PAX7: variants seen among roughly 807,000 people sequenced by gnomAD.
PAX7 encodes the protein paired box protein Pax-7.
In PAX7, 18 loss-of-function variants were observed where a neutral mutation model predicts 50.7. That is an observed-to-expected ratio of 0.36 (90% CI 0.25 to 0.53). PAX7 has a LOEUF of 0.53. Among genes scored for constraint, PAX7 ranks in the 20% least tolerant of loss-of-function variants. The pLI is 0.93. For synonymous variants in PAX7, 310 were observed against 290.4 expected (o/e 1.07, Z -0.69); for missense variants, 644 against 702.9 (o/e 0.92, Z 0.95).
At chr1:18,657,456 T>C (rs1053132994) in intron 4 of PAX7, among the ~76,000 whole-genome samples, 1 of 151,796 alleles carries the variant, frequency 6.6e-6, no homozygotes, top group Non-Finnish European at 1.5e-5. Context: ...AGAGACCAAA[T>C]GACCCCAGAT....
In PAX7 at chr1:18,726,481, G is replaced by A. The variant is rs536790555; in HGVS notation, c.1156-9151G>A. On this transcript the variant is annotated intron_variant, in intron 7 of 8. Transcript: ENST00000420770. The surrounding 1 kb of genome is among the most constrained non-coding windows in gnomAD (Gnocchi z 4.8). The stretch of plus-strand genomic sequence containing the variant: ...TCTGTGTCCCAGGCACTGGGAATAA[G>A]ACGCCAAGTCTGTCCCCAGGCAGCT... 2.2e-4 allele frequency among the ~76,000 whole-genome samples: 34 copies of A among 152,306 alleles called. No individual in the cohort carries two copies. Among genetic ancestry groups the A allele is most frequent in the African/African-American group, 7.9e-4 (33 of 41,572 alleles).
chr1:18,667,905 T>C (rs2100227431), intron 4 of PAX7, among the ~76,000 whole-genome samples: 1 of 152,180 alleles, frequency 6.6e-6, no homozygotes, highest in African/African-American at 2.4e-5. Context: ...CTCCCTTTCC[T>C]CTGAGGAATT....
At chr1:18,675,171 G>T (rs543571542) in intron 4 of PAX7, among the ~76,000 whole-genome samples, 110 of 152,178 alleles carry the variant, frequency 7.2e-4, no homozygotes, top group African/African-American at 2.6e-3. Flanking sequence ...AGGATGTAGT[G>T]CACGATGACT....
intron 8 of PAX7, among the ~76,000 whole-genome samples, chr1:18,737,942 A>C (rs1344364249): frequency 6.6e-6 from 1 of 152,248 alleles, no homozygotes; most frequent in Non-Finnish European, 1.5e-5. Context: ...ATAGCCATGC[A>C]TTGAGGCATG....
chr1:18,653,275 C>T (rs541776895), intron 4 of PAX7, among the ~76,000 whole-genome samples: 3 of 151,528 alleles, frequency 2.0e-5, no homozygotes, highest in Non-Finnish European at 4.4e-5. Context: ...ATTGAGGAAT[C>T]ACAGTCAGCC....
At chr1:18,737,601 C>T (rs369982483) in intron 8 of PAX7, among the ~76,000 whole-genome samples, 8 of 152,310 alleles carry the variant, frequency 5.3e-5, no homozygotes, top group South Asian at 2.1e-4. Context: ...TTTGCATATG[C>T]GCGAATACAT....
At chr1:18,678,178 G>A (rs758697294) in intron 4 of PAX7, among the ~76,000 whole-genome samples, 8 of 152,158 alleles carry the variant, frequency 5.3e-5, no homozygotes, top group East Asian at 3.9e-4. Flanking sequence ...TTGGGAGGCC[G>A]AAGCAGGTGG....
At chr1:18,690,076 C>T (rs1386973877) in intron 4 of PAX7, among the ~76,000 whole-genome samples, 1 of 152,202 alleles carries the variant, frequency 6.6e-6, no homozygotes, top group Admixed American at 6.5e-5. Flanking sequence ...CTCCCAAGAT[C>T]TTCTAGCTTG....
In PAX7 at chr1:18,735,930, C is replaced by G; in HGVS notation, c.1402+52C>G. Reference sequence around the variant, plus strand: ...CCCGTCCCCATTCCTTCTCCCACCCCCAGGGCCTCCTGCTTGTTTATGGAG... The same window carrying G: ...CCCGTCCCCATTCCTTCTCCCACCCGCAGGGCCTCCTGCTTGTTTATGGAG... On this transcript the variant is annotated intron_variant, in intron 8 of 8. Transcript: ENST00000420770. This position sits in a 1 kb window ranked among gnomAD's most constrained non-coding sequence, Gnocchi z 4.0. 4 of 1,613,998 alleles carry G rather than the reference C, an allele frequency of 2.5e-6. No individual in the cohort carries two copies. The highest frequency in any genetic ancestry group is 2.2e-5 in the South Asian group (2 of 91,080).
At chr1:18,639,244 C>G (rs1023010705) in intron 4 of PAX7, among the ~76,000 whole-genome samples, 2 of 152,114 alleles carry the variant, frequency 1.3e-5, no homozygotes, top group Non-Finnish European at 2.9e-5. Flanking sequence ...ACTATTTATC[C>G]GCAATCAGTT....
chr1:18,735,780 G>A lies in PAX7; in HGVS notation c.1304G>A (p.Ser435Asn), dbSNP rs1420584772. The change falls in exon 8 of 9, where the codon AGC becomes AAC. Residue 435 changes from serine (S) to asparagine (N), a missense_variant. By Grantham distance (46) the Ser-to-Asn change is conservative. Transcript: ENST00000420770. This position sits in a 1 kb window ranked among gnomAD's most constrained non-coding sequence, Gnocchi z 4.0. ...QRADSIKPGDSLPTSQAYCPP... is the reference protein window; with the variant it reads ...QRADSIKPGDNLPTSQAYCPP... The stretch of plus-strand genomic sequence containing the variant: ...GCCGACTCCATCAAGCCAGGAGACA[G>A]CCTGCCCACCTCCCAGGCCTACTGC... The A allele has an allele frequency of 1.2e-6, 2 of 1,614,022 alleles. No homozygotes were observed. Among genetic ancestry groups the A allele is most frequent in the Non-Finnish European group, 1.7e-6 (2 of 1,180,036 alleles).
intron 7 of PAX7, among the ~76,000 whole-genome samples, chr1:18,718,642 C>A (rs2089457837): frequency 6.8e-6 from 1 of 146,064 alleles, no homozygotes; most frequent in Admixed American, 7.1e-5. Context: ...ACGCCTTGAC[C>A]CTTCCTTTTT....
chr1:18,738,142 CTGTG>C (rs374135110), intron 8 of PAX7, among the ~76,000 whole-genome samples: 9 of 149,812 alleles, frequency 6.0e-5, no homozygotes, highest in Admixed American at 3.3e-4. Context: ...GTGTGTATAA[CTGTG>C]TGTGTGTGTG....
intron 4 of PAX7, among the ~76,000 whole-genome samples, chr1:18,659,239 C>T (rs1188548150): frequency 2.0e-5 from 3 of 152,190 alleles, no homozygotes; most frequent in Non-Finnish European, 4.4e-5. Flanking sequence ...CTGCTTTGAT[C>T]TCACCTATTT....
chr1:18,656,802 C>T (rs1295395503), intron 4 of PAX7, among the ~76,000 whole-genome samples: 1 of 151,954 alleles, frequency 6.6e-6, no homozygotes, highest in Non-Finnish European at 1.5e-5. Context: ...AGAGAGCAGC[C>T]TGGGTGACAC....
At chr1:18,695,997 T>C (rs902669832) in intron 5 of PAX7, among the ~76,000 whole-genome samples, 2 of 152,080 alleles carry the variant, frequency 1.3e-5, no homozygotes, top group African/African-American at 4.8e-5. Flanking sequence ...ACTACAGAGA[T>C]TCACTAATTA....
At chr1:18,711,525 G>T (rs1198666380) in intron 7 of PAX7, among the ~76,000 whole-genome samples, 1 of 152,120 alleles carries the variant, frequency 6.6e-6, no homozygotes, top group Non-Finnish European at 1.5e-5. Flanking sequence ...AATGTAAGGG[G>T]TTCTGCTGAC....
intron 8 of PAX7, among the ~76,000 whole-genome samples, chr1:18,739,324 C>T (rs545022713): frequency 3.8e-4 from 58 of 152,218 alleles, no homozygotes; most frequent in Admixed American, 6.5e-4. Flanking sequence ...GGATTCATGT[C>T]CACAGCTTCA....
chr1:18,727,886 G>T (rs528182154), intron 7 of PAX7, among the ~76,000 whole-genome samples: 21 of 152,152 alleles, frequency 1.4e-4, no homozygotes, highest in Admixed American at 1.1e-3. Flanking sequence ...AAACTGAAGT[G>T]GGGGACAGGG....
Sources: gnomAD v4.1 joint callset for allele counts (sites outside exome capture counted in the v4.1 genomes callset) on GRCh38, gnomAD v4.1.1 for gene constraint, Gnocchi (gnomAD v3.1) non-coding constraint, MANE v1.5 for transcripts, NCBI Gene and HGNC (gene_info 2026-07-23, HGNC 2026-07-21) for gene names.